Variants in PTPRN2 observed in about 807,000 individuals in gnomAD.
PTPRN2 encodes the protein receptor-type tyrosine-protein phosphatase N2.
In PTPRN2, 74 loss-of-function variants were observed where a neutral mutation model predicts 118.8. The ratio of observed to expected loss-of-function variants is 0.62; its 90% confidence interval spans 0.52 to 0.76. The LOEUF (loss-of-function observed/expected upper bound fraction) is 0.76. Ranked by LOEUF, PTPRN2 falls within the 30% of genes least tolerant of loss-of-function variation. The pLI is 0.00. For missense variants in PTPRN2, 1,481 were observed against 1,394.4 expected (o/e 1.06, Z -0.99); for synonymous variants, 641 against 608.0 (o/e 1.05, Z -0.80).
At position 158,416,579 on chromosome 7, in the gene PTPRN2, CA is replaced by C. The variant is rs1399075568; in HGVS notation, c.163+73155del. Among the ~76,000 whole-genome samples the C allele has an allele frequency of 3.9e-5, 6 of 152,134 alleles. No individual in the cohort carries two copies. In the East Asian group the frequency reaches 1.2e-3, roughly 29 times the overall value. ...CAGGGAGAAACCAAACAACATTTCG[CA>C]GAAGTGAATTATCAGAAGAAAGAAC... On this transcript the variant is annotated intron_variant, in intron 2 of 22. Transcript: ENST00000389418.
chr7:157,564,749 C>T (rs987110735), intron 21 of PTPRN2, among the ~76,000 whole-genome samples: 7 of 152,266 alleles, frequency 4.6e-5, no homozygotes, highest in Admixed American at 6.5e-5. Context: ...CTCACATCCA[C>T]TGGGATGGCT....
At chr7:157,906,437 T>A (rs1797772815) in intron 11 of PTPRN2, among the ~76,000 whole-genome samples, 1 of 152,236 alleles carries the variant, frequency 6.6e-6, no homozygotes, top group African/African-American at 2.4e-5. Context: ...GCCCATTCTC[T>A]TTCCCCATGT....
At chr7:157,756,667 G>T (rs752296648) in intron 12 of PTPRN2, among the ~76,000 whole-genome samples, 1 of 152,152 alleles carries the variant, frequency 6.6e-6, no homozygotes, top group Non-Finnish European at 1.5e-5. Flanking sequence ...AATACAGCAC[G>T]GAGCTTAGCA....
chr7:158,567,801 T>C (rs1056885298), intron 1 of PTPRN2, among the ~76,000 whole-genome samples: 2 of 152,126 alleles, frequency 1.3e-5, no homozygotes, highest in African/African-American at 2.4e-5. Flanking sequence ...GAAAACCAAA[T>C]GGTGAACCCC....
Position 157,661,501 on chromosome 7 carries a change from C to T in PTPRN2, c.2002-4950G>A, listed in dbSNP as rs534653485. On this transcript the variant is annotated intron_variant, in intron 13 of 22. Transcript: ENST00000389418. ...CGGGTGCTCTAGCCCGGCGCTGCTCCGCTCTGAACCCACCGCTACCAAGTT... is the reference window on the plus strand; with the variant it reads ...CGGGTGCTCTAGCCCGGCGCTGCTCTGCTCTGAACCCACCGCTACCAAGTT... 1.9e-4 allele frequency among the ~76,000 whole-genome samples: 29 copies of T among 152,380 alleles called. No homozygotes were observed. The East Asian group carries it at 4.1e-3, about 21-fold the overall frequency.
intron 12 of PTPRN2, among the ~76,000 whole-genome samples, chr7:157,772,078 A>G (rs1248431456): frequency 6.7e-6 from 1 of 149,798 alleles, no homozygotes; most frequent in East Asian, 2.0e-4. Context: ...ACACACACAG[A>G]ACACAGACAC....
intron 12 of PTPRN2, among the ~76,000 whole-genome samples, chr7:157,835,074 G>C (rs574267666): frequency 1.1e-4 from 16 of 152,318 alleles, no homozygotes; most frequent in Admixed American, 2.0e-4. Flanking sequence ...AATGAGTGAA[G>C]AGGGAAGATA....
intron 2 of PTPRN2, among the ~76,000 whole-genome samples, chr7:158,329,081 A>G (rs1167432067): frequency 6.6e-6 from 1 of 152,206 alleles, no homozygotes; most frequent in Non-Finnish European, 1.5e-5. Context: ...GAGGCCTGGG[A>G]TGGCAAATCC....
intron 2 of PTPRN2, among the ~76,000 whole-genome samples, chr7:158,340,827 C>T (rs1407333002): frequency 2.3e-5 from 2 of 87,756 alleles, no homozygotes; most frequent in Non-Finnish European, 4.8e-5. Flanking sequence ...TCACTCACAC[C>T]CACACTCTCA....
chr7:158,566,670 G>A (rs184100417), intron 1 of PTPRN2, among the ~76,000 whole-genome samples: 13 of 152,300 alleles, frequency 8.5e-5, no homozygotes, highest in Non-Finnish European at 1.3e-4. Context: ...CACCCTTCGC[G>A]GGGTTTGGTA....
Position 157,576,694 on chromosome 7 carries a change from C to A in PTPRN2, c.2702G>T (p.Arg901Leu). Residue 901 changes from arginine (R) to leucine (L), a missense_variant, in exon 19 of 23, where the codon CGC (arginine) becomes CTC (leucine). By Grantham distance (102) the Arg-to-Leu change is moderately radical. Around this residue, in one of 3 missense-constraint regions of PTPRN2, gnomAD observed 362 missense variants for 384.1 expected, o/e 0.94. Transcript: ENST00000389418. ...YLKNLQTNET[R>L]TVTQFHFLSW... is the part of the protein sequence containing the mutation. Reference sequence around the variant, plus strand: ...CAGGAAGTGGAACTGCGTCACGGTGCGCGTCTCGTTGGTCTGCAGGTTCTT... The same window carrying A: ...CAGGAAGTGGAACTGCGTCACGGTGAGCGTCTCGTTGGTCTGCAGGTTCTT... The A allele has an allele frequency of 6.2e-7, 1 of 1,611,262 alleles. No homozygotes were observed. The highest frequency in any genetic ancestry group is 8.5e-7 in the Non-Finnish European group (1 of 1,178,526).
chr7:157,967,205 C>A (rs1217842696), intron 11 of PTPRN2, among the ~76,000 whole-genome samples: 1 of 152,180 alleles, frequency 6.6e-6, no homozygotes, highest in Non-Finnish European at 1.5e-5. Flanking sequence ...CACTTACAGT[C>A]CCAGCTACTT....
chr7:158,023,239 A>G (rs1029565817), intron 11 of PTPRN2, among the ~76,000 whole-genome samples: 4 of 152,114 alleles, frequency 2.6e-5, no homozygotes, highest in African/African-American at 9.7e-5. Context: ...TCGCTAAAGG[A>G]GGAGCTCACC....
At chr7:157,839,034 C>T (rs988717616) in intron 12 of PTPRN2, among the ~76,000 whole-genome samples, 54 of 149,976 alleles carry the variant, frequency 3.6e-4, no homozygotes, top group South Asian at 6.4e-4. Flanking sequence ...GTGGATGGCA[C>T]GGGAGAAAGC....
intron 11 of PTPRN2, among the ~76,000 whole-genome samples, chr7:158,050,764 T>C (rs935990701): frequency 6.6e-6 from 1 of 152,214 alleles, no homozygotes; most frequent in Non-Finnish European, 1.5e-5. Flanking sequence ...CCAGTCTCCA[T>C]CTCCTCAAGT....
chr7:158,487,559 A>C (rs1158962244), intron 2 of PTPRN2, among the ~76,000 whole-genome samples: 1 of 152,176 alleles, frequency 6.6e-6, no homozygotes, highest in Non-Finnish European at 1.5e-5. Context: ...GCTTGATAAG[A>C]TTATATATTC....
chr7:158,146,827 T>A (rs972915159), intron 6 of PTPRN2, among the ~76,000 whole-genome samples: 2 of 151,982 alleles, frequency 1.3e-5, no homozygotes, highest in Admixed American at 6.6e-5. Flanking sequence ...ACTAAAATGT[T>A]TTGGAGGCCA....
chr7:158,020,428 C>T (rs1442328416), intron 11 of PTPRN2, among the ~76,000 whole-genome samples: 1 of 152,168 alleles, frequency 6.6e-6, no homozygotes, highest in African/African-American at 2.4e-5. Context: ...CCACCTGCAG[C>T]TCTGGGTTGC....
At position 158,207,537 on chromosome 7, in the gene PTPRN2, C is replaced by T. The variant is rs1272173212; in HGVS notation, c.278-2264G>A. On this transcript the variant is annotated intron_variant, in intron 3 of 22. Coordinates refer to ENST00000389418, the MANE Select transcript of PTPRN2 (RefSeq NM_002847.5). ...AACCTACAAAATGGGAGAAAATTTT[C>T]GCAACCTACTCATCTGACAAAGGGC... Among the ~76,000 whole-genome samples, 10 of 152,090 alleles carry T rather than the reference C, an allele frequency of 6.6e-5. 1 individual carries two copies. The highest frequency in any genetic ancestry group is 2.4e-4 in the African/African-American group (10 of 41,494).
Sources: allele counts gnomAD v4.1 joint callset (sites outside exome capture counted in the v4.1 genomes callset), GRCh38; gene constraint gnomAD v4.1.1; regional missense constraint gnomAD v4.1.1; transcripts MANE v1.5; gene names NCBI Gene and HGNC (gene_info 2026-07-23, HGNC 2026-07-21).